The following PRKG1 variants were observed in gnomAD, a reference collection of about 807,000 sequenced individuals.
The protein encoded by PRKG1 is cGMP-dependent protein kinase 1.
Under a neutral mutation model 88.1 loss-of-function variants are expected in PRKG1, and 35 were observed. That is an observed-to-expected ratio of 0.40 (90% confidence interval 0.30 to 0.53). The LOEUF (loss-of-function observed/expected upper bound fraction) is 0.53. PRKG1 is among the 20% of genes least tolerant of loss of function. The probability of loss-of-function intolerance (pLI) is 0.59; values close to 1 mark genes in which losing one functional copy is unlikely to be tolerated. For missense variants in PRKG1, 540 were observed against 839.8 expected, an observed-to-expected ratio of 0.64 and a Z score of 4.41; for synonymous variants, 303 against 292.5, an observed-to-expected ratio of 1.04 and a Z score of -0.37.
At chr10:52,014,214 A>G (rs950480414) in intron 5 of PRKG1, among the ~76,000 whole-genome samples, 2 of 152,186 alleles carry the variant, frequency 1.3e-5, no homozygotes, top group African/African-American at 4.8e-5. Context: ...TTTATAAATA[A>G]AAGAGGTTTA....
At chr10:51,136,707 G>T (rs188646351) in intron 1 of PRKG1, among the ~76,000 whole-genome samples, 44 of 151,852 alleles carry the variant, frequency 2.9e-4, no homozygotes, top group Admixed American at 5.9e-4. Flanking sequence ...TCTTTTCTTT[G>T]ATTTCTTCTG....
rs780715198 is a variant in PRKG1 at position 52,288,851 on chromosome 10, A to G, written c.1832+3A>G. 1.9e-6 allele frequency: 3 copies of G among 1,599,360 alleles called. No individual in the cohort carries two copies. Among genetic ancestry groups the G allele is most frequent in the Non-Finnish European group, 1.7e-6 (2 of 1,174,602 alleles). ...AATTTAATTAAAAAACTATGCAGGT[A>G]AGTATTTCAACCACATTATTTTTGA... On this transcript the variant is annotated splice_donor_region_variant and intron_variant, in intron 15 of 17. Transcript: ENST00000373980.
At chr10:51,470,355 T>C (rs896191236) in intron 3 of PRKG1, among the ~76,000 whole-genome samples, 3 of 151,810 alleles carry the variant, frequency 2.0e-5, no homozygotes, top group African/African-American at 7.2e-5. Flanking sequence ...TTGGGCGTAA[T>C]AGTCTAATTC....
chr10:51,646,567 C>T (rs936002215), intron 3 of PRKG1, among the ~76,000 whole-genome samples: 1 of 151,940 alleles, frequency 6.6e-6, no homozygotes, highest in Non-Finnish European at 1.5e-5. Context: ...ATACTTACAT[C>T]CGTAAACATT....
In PRKG1 at chr10:51,636,383, C is replaced by T. The variant is rs561009491; in HGVS notation, c.593-168202C>T. Among the ~76,000 whole-genome samples the T allele has an allele frequency of 3.7e-4, 56 of 152,192 alleles. 2 individuals carry two copies. In the South Asian group the frequency reaches 3.9e-3, roughly 11 times the overall value. ...AGGGTTAGATAAAAAATATTTGGATCCTATGCATCATATAATTGGTTATTC... is the reference window on the plus strand; with the variant it reads ...AGGGTTAGATAAAAAATATTTGGATTCTATGCATCATATAATTGGTTATTC... On this transcript the variant is annotated intron_variant, in intron 3 of 17. Coordinates refer to ENST00000373980, the MANE Select transcript of PRKG1 (RefSeq NM_006258.4).
At chr10:52,110,095 T>C (rs1412872465) in intron 7 of PRKG1, among the ~76,000 whole-genome samples, 1 of 151,926 alleles carries the variant, frequency 6.6e-6, no homozygotes, top group Non-Finnish European at 1.5e-5. Context: ...CCTGTAGTAA[T>C]CCTAGCACTT....
chr10:51,664,004 T>A (rs1310244709), intron 3 of PRKG1, among the ~76,000 whole-genome samples: 5 of 152,126 alleles, frequency 3.3e-5, no homozygotes. Flanking sequence ...TGTTGAGTTT[T>A]GTTTTTCTTT....
rs575317181 is a variant in PRKG1 at position 51,409,818 on chromosome 10, C to T, written c.479-57905C>T. Reference sequence around the variant, plus strand: ...GCAGTGATTGGAGATTGTGCCACTGCACTCCAGCCTGGCAACAGAGAGAGA... The same window carrying T: ...GCAGTGATTGGAGATTGTGCCACTGTACTCCAGCCTGGCAACAGAGAGAGA... On this transcript the variant is annotated intron_variant, in intron 2 of 17. Coordinates refer to ENST00000373980, the MANE Select transcript of PRKG1 (RefSeq NM_006258.4). Among the ~76,000 whole-genome samples, 400 of 135,406 alleles carry T rather than the reference C, an allele frequency of 3.0e-3. 3 individuals carry two copies. The highest frequency in any genetic ancestry group is 0.011 in the African/African-American group (389 of 36,278). The allele number at this position is 135,406 out of a possible 152,430, so 88.8% of individuals were successfully genotyped here.
chr10:51,409,784 G>T (rs1039321946), intron 2 of PRKG1, among the ~76,000 whole-genome samples: 11 of 148,718 alleles, frequency 7.4e-5, no homozygotes, highest in Non-Finnish European at 1.2e-4. Flanking sequence ...AACCCAGGAG[G>T]TGGAGGTTGC....
Position 51,580,910 on chromosome 10 carries a change from A to G in PRKG1, c.592+113074A>G, listed in dbSNP as rs553321066. ...TTAGTATTTATTGCGGGATCTGGCCAGCAGCCCACAATGCAATGGGGCTCT... is the reference window on the plus strand; with the variant it reads ...TTAGTATTTATTGCGGGATCTGGCCGGCAGCCCACAATGCAATGGGGCTCT... On this transcript the variant is annotated intron_variant, in intron 3 of 17. Coordinates refer to ENST00000373980, the MANE Select transcript of PRKG1 (RefSeq NM_006258.4). 2.2e-4 allele frequency among the ~76,000 whole-genome samples: 34 copies of G among 152,230 alleles called. 1 individual carries two copies. The highest frequency in any genetic ancestry group is 2.2e-3 in the Admixed American group (34 of 15,262).
At chr10:51,765,509 C>T (rs1838134805) in intron 3 of PRKG1, among the ~76,000 whole-genome samples, 1 of 152,190 alleles carries the variant, frequency 6.6e-6, no homozygotes, top group African/African-American at 2.4e-5. Flanking sequence ...TACAGTCTCT[C>T]TGCATTAACT....
At chr10:51,953,603 G>T (rs1843235697) in intron 5 of PRKG1, among the ~76,000 whole-genome samples, 1 of 152,138 alleles carries the variant, frequency 6.6e-6, no homozygotes, top group African/African-American at 2.4e-5. Flanking sequence ...GTGTACCGAG[G>T]TATCTCCAGA....
intron 2 of PRKG1, among the ~76,000 whole-genome samples, chr10:51,205,129 T>TTCTTTTTTTTTTTTTTTTTTTC (rs764876295): frequency 1.7e-5 from 1 of 58,160 alleles, no homozygotes; most frequent in African/African-American, 1.5e-4. Flanking sequence ...TTTCTTTTCT[T>TTCTTTTTTTTTTTTTTTTTTTC]TTTTTTTTTT....
chr10:51,871,055 GTCT>G (rs1841145360), intron 4 of PRKG1, among the ~76,000 whole-genome samples: 1 of 152,094 alleles, frequency 6.6e-6, no homozygotes, highest in Admixed American at 6.5e-5. Flanking sequence ...ACAACAACTG[GTCT>G]TCTAATCCTT....
chr10:51,086,276 C>T (rs1844245838), intron 1 of PRKG1, among the ~76,000 whole-genome samples: 1 of 152,176 alleles, frequency 6.6e-6, no homozygotes, highest in South Asian at 2.1e-4. Context: ...CTTTGCCTTT[C>T]CGTTGGTTTG....
intron 12 of PRKG1, among the ~76,000 whole-genome samples, chr10:52,273,614 C>T (rs533804934): frequency 6.6e-6 from 1 of 152,082 alleles, no homozygotes; most frequent in South Asian, 2.1e-4. Context: ...TTCCCATGGC[C>T]TTTCTTATAT....
At chr10:51,625,721 T>C (rs1236009206) in intron 3 of PRKG1, among the ~76,000 whole-genome samples, 1 of 147,662 alleles carries the variant, frequency 6.8e-6, no homozygotes, top group East Asian at 1.9e-4. Context: ...ACTGTTAAGA[T>C]TTAAAAAAAA....
At chr10:51,286,962 G>C (rs1840456915) in intron 2 of PRKG1, among the ~76,000 whole-genome samples, 1 of 152,056 alleles carries the variant, frequency 6.6e-6, no homozygotes, top group South Asian at 2.1e-4. Context: ...CTGGAGCCTT[G>C]ACTTTTCGGG....
intron 3 of PRKG1, among the ~76,000 whole-genome samples, chr10:51,661,991 A>G (rs1289873777): frequency 6.6e-6 from 1 of 152,266 alleles, no homozygotes. Context: ...AAAGCCAGAC[A>G]CCACATTTTC....
Sources: allele counts gnomAD v4.1 joint callset (sites outside exome capture counted in the v4.1 genomes callset), GRCh38; gene constraint gnomAD v4.1.1; transcripts MANE v1.5; gene names NCBI Gene and HGNC (gene_info 2026-07-23, HGNC 2026-07-21).